The following GABRG3 variants were observed in gnomAD, a reference collection of about 807,000 sequenced individuals.
GABRG3 encodes gamma-aminobutyric acid type A receptor subunit gamma3, also known as gamma-aminobutyric acid receptor subunit gamma-3.
A neutral mutation model predicts 48.8 loss-of-function variants in GABRG3; 25 were observed. The ratio of observed to expected loss-of-function variants is 0.51; its 90% CI spans 0.37 to 0.72. The LOEUF (loss-of-function observed/expected upper bound fraction) is 0.72, where lower values mean the gene tolerates loss of function less well. GABRG3 is among the 30% of genes least tolerant of loss of function. The pLI is 0.00. For synonymous variants in GABRG3, 227 were observed against 217.6 expected, an observed-to-expected ratio of 1.04 and a Z score of -0.38; for missense variants, 394 against 577.9, an observed-to-expected ratio of 0.68 and a Z score of 3.26.
At chr15:27,175,214 A>G (rs572349805) in intron 3 of GABRG3, among the ~76,000 whole-genome samples, 1 of 152,168 alleles carries the variant, frequency 6.6e-6, no homozygotes, top group South Asian at 2.1e-4. Flanking sequence ...TCCACCTGCA[A>G]TGTGGAGCCT....
chr15:27,500,336 A>G (rs1890590708), intron 6 of GABRG3, among the ~76,000 whole-genome samples: 1 of 152,118 alleles, frequency 6.6e-6, no homozygotes, highest in Admixed American at 6.5e-5. Flanking sequence ...AGCACCCGAC[A>G]CACAGCCCGA....
chr15:27,414,630 G>T (rs901857270), intron 5 of GABRG3, among the ~76,000 whole-genome samples: 1 of 152,108 alleles, frequency 6.6e-6, no homozygotes, highest in Non-Finnish European at 1.5e-5. Context: ...GAATTTGTTG[G>T]CATGTTCTGC....
At chr15:27,254,112 A>G (rs537025516) in intron 3 of GABRG3, among the ~76,000 whole-genome samples, 15 of 152,240 alleles carry the variant, frequency 9.9e-5, no homozygotes, top group African/African-American at 2.6e-4. Flanking sequence ...TAGTTTTTGG[A>G]TTCTTCAAAT....
intron 5 of GABRG3, among the ~76,000 whole-genome samples, chr15:27,425,087 T>A (rs1357699773): frequency 6.6e-6 from 1 of 152,142 alleles, no homozygotes; most frequent in African/African-American, 2.4e-5. Context: ...GTACTCCAGC[T>A]GTCTTTTCAT....
intron 2 of GABRG3, among the ~76,000 whole-genome samples, chr15:26,981,137 AT>A (rs1312318964): frequency 4.6e-5 from 7 of 152,182 alleles, no homozygotes; most frequent in Admixed American, 1.3e-4. Context: ...CAAGGACATG[AT>A]TTTTCAACTG....
intron 3 of GABRG3, among the ~76,000 whole-genome samples, chr15:27,149,203 C>T (rs1898264996): frequency 1.3e-5 from 2 of 151,902 alleles, no homozygotes; most frequent in South Asian, 4.1e-4. Flanking sequence ...TATACATTCG[C>T]AGTGAACACT....
intron 5 of GABRG3, among the ~76,000 whole-genome samples, chr15:27,424,977 A>G (rs1888246772): frequency 6.6e-6 from 1 of 152,192 alleles, no homozygotes; most frequent in Non-Finnish European, 1.5e-5. Flanking sequence ...TGGAGGGGCT[A>G]AGACTCAACC....
chr15:27,287,486 T>G (rs1891651265), intron 3 of GABRG3, among the ~76,000 whole-genome samples: 1 of 152,224 alleles, frequency 6.6e-6, no homozygotes, highest in East Asian at 1.9e-4. Context: ...GGAACTCGTA[T>G]ATCTTCCTGA....
intron 3 of GABRG3, among the ~76,000 whole-genome samples, chr15:27,165,375 G>A (rs1887339714): frequency 6.6e-6 from 1 of 152,188 alleles, no homozygotes; most frequent in East Asian, 1.9e-4. Flanking sequence ...AAGCCTCTGT[G>A]TCAGGGCATC....
Position 27,415,163 on chromosome 15 carries a change from A to T in GABRG3, c.575-65487A>T, listed in dbSNP as rs189610327. Reference sequence around the variant, plus strand: ...CCTTTCTCTTTCTCCTCATATTCCCATTATGCATGTGTTTCCCCTTTTATA... The same window carrying T: ...CCTTTCTCTTTCTCCTCATATTCCCTTTATGCATGTGTTTCCCCTTTTATA... On this transcript the variant is annotated intron_variant, in intron 5 of 9. Coordinates refer to ENST00000615808, the MANE Select transcript of GABRG3 (RefSeq NM_033223.5). 8.5e-5 allele frequency among the ~76,000 whole-genome samples: 13 copies of T among 152,180 alleles called. No individual in the cohort carries two copies. In the East Asian group the frequency reaches 1.5e-3, roughly 18 times the overall value.
intron 3 of GABRG3, among the ~76,000 whole-genome samples, chr15:27,060,352 G>A (rs1896623727): frequency 6.6e-6 from 1 of 152,236 alleles, no homozygotes; most frequent in African/African-American, 2.4e-5. Context: ...GCTTCCCTTT[G>A]CAGGTTGGTG....
At chr15:27,076,618 C>T (rs1239172949) in intron 3 of GABRG3, among the ~76,000 whole-genome samples, 1 of 152,128 alleles carries the variant, frequency 6.6e-6, no homozygotes, top group African/African-American at 2.4e-5. Flanking sequence ...GCCACCGTGC[C>T]CGGTGAGCCA....
chr15:27,330,244 T>C (rs943792432), intron 5 of GABRG3, among the ~76,000 whole-genome samples: 5 of 151,904 alleles, frequency 3.3e-5, no homozygotes, highest in Admixed American at 3.3e-4. Flanking sequence ...TGTCTCAAAA[T>C]ATAAATAAAT....
At chr15:27,094,352 C>T (rs1383196709) in intron 3 of GABRG3, among the ~76,000 whole-genome samples, 1 of 152,222 alleles carries the variant, frequency 6.6e-6, no homozygotes, top group African/African-American at 2.4e-5. Context: ...CTATCAGGCT[C>T]TGCAGCTTTT....
rs372383702 is a variant in GABRG3, at chr15:27,026,716, G to A, written c.203-38G>A. 5.6e-5 allele frequency: 85 copies of A among 1,512,894 alleles called. No individual in the cohort carries two copies. In the East Asian group the frequency reaches 6.6e-4, roughly 12 times the overall value. 93.7% of individuals were successfully genotyped at this position (1,512,894 alleles called of 1,614,324 possible). A position where few individuals can be genotyped will look rare whatever the true frequency, so the allele number is the denominator to read the frequency against. ...AATGTGCTCTCCTCTGTCTTTCTCC[G>A]GCACGAAGTATTAACATACATGTAT... On this transcript the variant is annotated intron_variant, in intron 2 of 9. Coordinates refer to ENST00000615808, the MANE Select transcript of GABRG3 (RefSeq NM_033223.5).
intron 3 of GABRG3, among the ~76,000 whole-genome samples, chr15:27,078,666 G>T (rs1896946914): frequency 6.6e-6 from 1 of 152,156 alleles, no homozygotes. Flanking sequence ...TTTAAAGAGG[G>T]GATAATAAGA....
At chr15:27,036,238 T>C (rs1381101171) in intron 3 of GABRG3, among the ~76,000 whole-genome samples, 1 of 152,174 alleles carries the variant, frequency 6.6e-6, no homozygotes, top group Non-Finnish European at 1.5e-5. Flanking sequence ...TTATAGAATT[T>C]GGGCCGGGCA....
intron 5 of GABRG3, among the ~76,000 whole-genome samples, chr15:27,344,896 T>C (rs569437047): frequency 4.6e-5 from 7 of 152,266 alleles, no homozygotes; most frequent in South Asian, 2.1e-4. Flanking sequence ...ACATGCACGA[T>C]GAGGATTATT....
At chr15:26,980,227 G>T (rs1304058043) in intron 2 of GABRG3, among the ~76,000 whole-genome samples, 1 of 151,926 alleles carries the variant, frequency 6.6e-6, no homozygotes, top group South Asian at 2.1e-4. Context: ...CTTGCTAGAG[G>T]TTTATTTTAT....
Sources: allele counts gnomAD v4.1 joint callset (sites outside exome capture counted in the v4.1 genomes callset), GRCh38; gene constraint gnomAD v4.1.1; transcripts MANE v1.5; gene names NCBI Gene and HGNC (gene_info 2026-07-23, HGNC 2026-07-21).